Variants in SBF2 observed in about 807,000 individuals in gnomAD.
SBF2 encodes the protein SET binding factor 2.
In SBF2, 112 loss-of-function variants were observed where a neutral mutation model predicts 225.2. The ratio of observed to expected loss-of-function variants is 0.50; its 90% confidence interval spans 0.43 to 0.58. The LOEUF is 0.58. Among genes scored for constraint, SBF2 ranks in the 20% least tolerant of loss-of-function variants. The pLI is 0.00. For synonymous variants in SBF2, 763 were observed against 773.3 expected (o/e 0.99, Z 0.22); for missense variants, 1,996 against 2,206.2 (o/e 0.90, Z 1.91).
intron 28 of SBF2, among the ~76,000 whole-genome samples, chr11:9,822,108 C>T (rs529674245): frequency 8.5e-5 from 13 of 152,226 alleles, no homozygotes; most frequent in Non-Finnish European, 1.5e-4. Flanking sequence ...AAATGTTTTA[C>T]ATATACTATT....
intron 2 of SBF2, among the ~76,000 whole-genome samples, chr11:10,178,861 T>C (rs1365616491): frequency 6.7e-6 from 1 of 149,326 alleles, no homozygotes; most frequent in Non-Finnish European, 1.5e-5. Context: ...CCCAAAGGAC[T>C]ATAAATCATG....
intron 2 of SBF2, among the ~76,000 whole-genome samples, chr11:10,178,408 C>G (rs1807222090): frequency 7.1e-6 from 1 of 141,448 alleles, no homozygotes; most frequent in East Asian, 2.2e-4. Flanking sequence ...GAACAGGCAA[C>G]CTACAAAATG....
chr11:10,214,154 G>A (rs1006826902), intron 1 of SBF2, among the ~76,000 whole-genome samples: 2 of 152,046 alleles, frequency 1.3e-5, no homozygotes, highest in African/African-American at 2.4e-5. Flanking sequence ...GTGGTGGTGG[G>A]GAGGGGACAA....
intron 13 of SBF2, among the ~76,000 whole-genome samples, chr11:9,968,946 GT>G (rs1042053989): frequency 7.2e-5 from 11 of 152,016 alleles, no homozygotes; most frequent in Non-Finnish European, 1.2e-4. Context: ...CAATTCACAA[GT>G]TTTTTTCTTT....
intron 28 of SBF2, chr11:9,819,283 A>G (rs1384479646): frequency 6.6e-6 from 1 of 152,218 alleles, no homozygotes; most frequent in Admixed American, 6.5e-5. Flanking sequence ...TGAGTAAAAC[A>G]TTTATCTCTG....
chr11:9,988,467 A>G (rs1947284840), intron 13 of SBF2, among the ~76,000 whole-genome samples: 1 of 152,226 alleles, frequency 6.6e-6, no homozygotes, highest in Admixed American at 6.5e-5. Flanking sequence ...GTAAACAGAC[A>G]ACCCACAGAG....
chr11:10,150,998 A>G (rs16907505), intron 2 of SBF2, among the ~76,000 whole-genome samples: 8,169 of 152,264 alleles, frequency 0.054, 302 homozygotes, highest in Middle Eastern at 0.15. Flanking sequence ...TAGAAACACC[A>G]GTCAGCATTT....
At chr11:10,267,329 C>T (rs997034015) in intron 1 of SBF2, among the ~76,000 whole-genome samples, 6 of 151,760 alleles carry the variant, frequency 4.0e-5, no homozygotes, top group African/African-American at 1.2e-4. Flanking sequence ...ACACTTAAGT[C>T]CCTATTACTG....
In SBF2 at chr11:9,992,969, C is replaced by A. The variant is rs761736500; in HGVS notation, c.1167+21G>T. On this transcript the variant is annotated intron_variant, in intron 11 of 39. Transcript: ENST00000256190. ...TTAGAATATATTTTTTGGACAGATA[C>A]AATATAGTACTCTATCTTACCTTGT... The A allele has an allele frequency of 8.0e-6, 12 of 1,495,228 alleles. No individual in the cohort carries two copies. In the East Asian group the frequency reaches 2.5e-4, roughly 31 times the overall value. 92.6% of individuals were successfully genotyped at this position (1,495,228 alleles called of 1,614,324 possible).
chr11:10,030,015 CAAAAATTAAGTTTATTAAATTTTCCTTAG>C (rs1328418548), intron 4 of SBF2, 140 bp from the exon 5 acceptor site: 1 of 675,196 alleles, frequency 1.5e-6, no homozygotes, highest in African/African-American at 1.8e-5. Context: ...TTTTAAACAG[CAAAAATTAAGTTTATTAAATTTTCCTTAG>C]AACCAGAACC....
chr11:9,847,007 C>G lies in SBF2; in HGVS notation c.2883G>C (p.Gln961His), dbSNP rs768147206. 7.4e-6 allele frequency: 12 copies of G among 1,613,684 alleles called. No individual in the cohort carries two copies. The East Asian group carries it at 1.6e-4, about 21-fold the overall frequency. ...TKEKKITMQNQLQQNMQEGLQ... is the reference protein window; with the variant it reads ...TKEKKITMQNHLQQNMQEGLQ... Reference sequence around the variant, plus strand: ...GTCCTTCTTGCATGTTCTGCTGTAGCTGGTTCTGCATTGTAATCTTCTTCT... The same window carrying G: ...GTCCTTCTTGCATGTTCTGCTGTAGGTGGTTCTGCATTGTAATCTTCTTCT... The change falls in exon 23 of 40, where the codon CAG becomes CAC. Residue 961 changes from glutamine to histidine, a missense_variant. Physicochemically the swap from Gln to His is conservative, Grantham distance 24 (BLOSUM62 0). Coordinates refer to ENST00000256190, the MANE Select transcript of SBF2 (RefSeq NM_030962.4).
intron 8 of SBF2, 28 bp from the exon 9 acceptor site, chr11:9,998,407 A>G: frequency 8.4e-7 from 1 of 1,187,136 alleles, no homozygotes; most frequent in Non-Finnish European, 1.3e-6. Flanking sequence ...ATTAACCTAT[A>G]ATTACCAAAA....
rs535336831 is a variant in SBF2, at chr11:10,087,766, C to T, written c.142-44785G>A. 2.6e-5 allele frequency among the ~76,000 whole-genome samples: 4 copies of T among 152,230 alleles called. No homozygotes were observed. In the East Asian group the frequency reaches 7.7e-4, roughly 29 times the overall value. On this transcript the variant is annotated intron_variant, in intron 2 of 39. Coordinates refer to ENST00000256190, the MANE Select transcript of SBF2 (RefSeq NM_030962.4). The stretch of plus-strand genomic sequence containing the variant: ...TCCAAATCACAAGTTATACTGTATC[C>T]TGTGTTTTGAAGAACAATAGTGACT...
chr11:9,984,586 G>A (rs1947111578), intron 13 of SBF2, among the ~76,000 whole-genome samples: 2 of 152,086 alleles, frequency 1.3e-5, no homozygotes, highest in Non-Finnish European at 2.9e-5. Context: ...AAGAACACCT[G>A]GAAATTCATT....
At chr11:9,849,918 G>A (rs1856801501) in intron 22 of SBF2, 105 bp downstream of exon 22, 1 of 1,119,688 alleles carries the variant, frequency 8.9e-7, no homozygotes, top group East Asian at 2.4e-5. Context: ...GTGGCAAAAA[G>A]CTGACTTTGG....
intron 2 of SBF2, among the ~76,000 whole-genome samples, chr11:10,045,299 C>T (rs905443355): frequency 7.2e-5 from 11 of 151,978 alleles, no homozygotes; most frequent in Non-Finnish European, 1.5e-4. Context: ...TCCTGAGTAG[C>T]TGGGATTACA....
At chr11:9,860,455 TG>T (rs1443481488) in intron 17 of SBF2, among the ~76,000 whole-genome samples, 5 of 151,870 alleles carry the variant, frequency 3.3e-5, no homozygotes, top group Non-Finnish European at 7.4e-5. Context: ...AGCTTTTTTT[TG>T]TAGAAAAATT....
At chr11:10,106,959 C>T (rs914272790) in intron 2 of SBF2, among the ~76,000 whole-genome samples, 10 of 152,084 alleles carry the variant, frequency 6.6e-5, no homozygotes, top group African/African-American at 1.4e-4. Flanking sequence ...ATTAAAACCA[C>T]GAGATGCCAC....
intron 17 of SBF2, among the ~76,000 whole-genome samples, chr11:9,871,381 A>AT (rs959806058): frequency 1.3e-5 from 2 of 151,762 alleles, no homozygotes; most frequent in Non-Finnish European, 2.9e-5. Context: ...GCCAACAAAC[A>AT]TATGAAAAAA....
Sources: gnomAD v4.1 joint callset for allele counts (sites outside exome capture counted in the v4.1 genomes callset) on GRCh38, gnomAD v4.1.1 for gene constraint, MANE v1.5 for transcripts, NCBI Gene and HGNC (gene_info 2026-07-23, HGNC 2026-07-21) for gene names.